C11orf65: variants seen among roughly 807,000 people sequenced by gnomAD.
C11orf65 encodes the protein chromosome 11 open reading frame 65.
A neutral mutation model predicts 35.3 loss-of-function variants in C11orf65; 38 were observed. The ratio of observed to expected loss-of-function variants is 1.08; its 90% CI spans 0.83 to 1.41. The LOEUF (loss-of-function observed/expected upper bound fraction) is 1.41. Ranked by LOEUF, C11orf65 falls within the 40% of genes most tolerant of loss-of-function variation. The pLI is 0.00. For synonymous variants in C11orf65, 105 were observed against 114.4 expected (o/e 0.92, Z 0.53); for missense variants, 370 against 367.1 (o/e 1.01, Z -0.06).
At chr11:108,330,289 C>T (rs1429991894), downstream of C11orf65, 5 of 1,614,062 alleles carry the variant, frequency 3.1e-6, no homozygotes, top group East Asian at 4.5e-5. Context: ...ATCGTAAACG[C>T]TTCTTATGTA....
intron 2 of C11orf65, among the ~76,000 whole-genome samples, chr11:108,442,533 C>G (rs2093172390): frequency 6.6e-6 from 1 of 152,050 alleles, no homozygotes; most frequent in Admixed American, 6.6e-5. Flanking sequence ...TCAGATTCAC[C>G]AAAGTTGAAA....
Position 108,385,963 on chromosome 11 carries a change from G to A in C11orf65, c.744C>T (p.Ser248=). The A allele has an allele frequency of 6.2e-7, 1 of 1,613,706 alleles. No individual in the cohort carries two copies. Among genetic ancestry groups the A allele is most frequent in the Non-Finnish European group, 8.5e-7 (1 of 1,179,784 alleles). The part of the protein sequence containing the change: ...NTLNFDEYIA[S]WKEIATSNSS... ...AGTTGCTTGTAGCAATTTCCTTCCA[G>A]CTGGCAATGTACCTAAGCACATTAT... Residue 248 remains serine, a synonymous_variant, in exon 8 of 9, where the codon AGC becomes AGT. Coordinates refer to ENST00000393084, the MANE Select transcript of C11orf65 (RefSeq NM_152587.5).
chr11:108,459,385 G>C (rs1040370361), intron 2 of C11orf65, among the ~76,000 whole-genome samples: 4 of 152,000 alleles, frequency 2.6e-5, no homozygotes, highest in African/African-American at 4.8e-5. Flanking sequence ...CAAAAGACTG[G>C]AGACAACTGG....
At chr11:108,325,249 GTTTTTT>G in intron 6 of C11orf65, 4 of 565,794 alleles carry the variant, frequency 7.1e-6, no homozygotes, top group Non-Finnish European at 5.9e-6. Context: ...AACTTACATA[GTTTTTT>G]TTTTTTTTTT....
At chr11:108,319,875 C>A in intron 6 of C11orf65, 2 of 990,512 alleles carry the variant, frequency 2.0e-6, no homozygotes, top group South Asian at 1.4e-5. Context: ...AAAATTTTGT[C>A]CTTTGGTGAA....
chr11:108,329,515 A>G (rs1364359791), downstream of C11orf65, among the ~76,000 whole-genome samples: 1 of 151,944 alleles, frequency 6.6e-6, no homozygotes, highest in African/African-American at 2.4e-5. Context: ...CCTGGACTCA[A>G]TTGATTCTCC....
chr11:108,427,083 A>T (rs539865477), intron 3 of C11orf65, among the ~76,000 whole-genome samples: 1 of 152,340 alleles, frequency 6.6e-6, no homozygotes, highest in South Asian at 2.1e-4. Context: ...AACCATAAAA[A>T]TCCTAGAAGA....
At chr11:108,351,939 C>T (rs1460236935) in intron 2 of C11orf65, among the ~76,000 whole-genome samples, 1 of 152,178 alleles carries the variant, frequency 6.6e-6, no homozygotes, top group Non-Finnish European at 1.5e-5. Context: ...ACTTTCAGCC[C>T]TACTCAGCTA....
At chr11:108,371,320 C>A (rs569657846) in intron 2 of C11orf65, among the ~76,000 whole-genome samples, 19 of 152,254 alleles carry the variant, frequency 1.2e-4, no homozygotes, top group African/African-American at 3.6e-4. Context: ...TGGTGTGCAA[C>A]CAACCTCCAG....
intron 6 of C11orf65, among the ~76,000 whole-genome samples, chr11:108,402,996 T>G (rs540157658): frequency 6.0e-4 from 91 of 152,330 alleles, no homozygotes; most frequent in African/African-American, 2.1e-3. Flanking sequence ...TGCAAATTTG[T>G]GCTGTTTCTG....
chr11:108,369,192 A>C (rs1288322196), intron 2 of C11orf65: 1 of 155,978 alleles, frequency 6.4e-6, no homozygotes, highest in Non-Finnish European at 1.4e-5. Context: ...TGAGCAAGGC[A>C]GGCATAGTCT....
chr11:108,410,754 T>C (rs1411825921), intron 3 of C11orf65, among the ~76,000 whole-genome samples: 2 of 149,598 alleles, frequency 1.3e-5, no homozygotes, highest in Non-Finnish European at 3.0e-5. Context: ...TGTCGCTCAG[T>C]CTGGGGTGCA....
intron 3 of C11orf65, among the ~76,000 whole-genome samples, chr11:108,423,185 C>A (rs1006418780): frequency 1.3e-5 from 2 of 152,134 alleles, no homozygotes; most frequent in East Asian, 3.9e-4. Context: ...AAGCTAGCTG[C>A]AGTTTTTTTT....
At chr11:108,431,607 A>AC in intron 3 of C11orf65, 139 bp downstream of exon 3, 1 of 420,752 alleles carries the variant, frequency 2.4e-6, no homozygotes, top group Non-Finnish European at 4.1e-6. Context: ...TATATGTTTT[A>AC]TGAACTTTCA....
At chr11:108,427,757 C>G (rs1314084411) in intron 3 of C11orf65, among the ~76,000 whole-genome samples, 1 of 136,900 alleles carries the variant, frequency 7.3e-6, no homozygotes, top group African/African-American at 2.7e-5. Flanking sequence ...CTCATCATTA[C>G]TGGTCATTAG....
At chr11:108,399,602 G>A (rs2092398247) in intron 6 of C11orf65, among the ~76,000 whole-genome samples, 1 of 152,178 alleles carries the variant, frequency 6.6e-6, no homozygotes, top group Non-Finnish European at 1.5e-5. Flanking sequence ...GAAGCCAAAG[G>A]TATGGAGATG....
At chr11:108,418,960 T>C (rs887223909) in intron 3 of C11orf65, among the ~76,000 whole-genome samples, 6 of 152,062 alleles carry the variant, frequency 3.9e-5, no homozygotes, top group Non-Finnish European at 5.9e-5. Context: ...AAAATAGAAA[T>C]AGAACTATAA....
At chr11:108,447,237 T>C (rs1338353965) in intron 2 of C11orf65, among the ~76,000 whole-genome samples, 1 of 151,960 alleles carries the variant, frequency 6.6e-6, no homozygotes, top group African/African-American at 2.4e-5. Context: ...GACAGAAAGT[T>C]AACAAGGATA....
rs867021141 is a variant in C11orf65 at position 108,359,111 on chromosome 11, C to G, written c.227-23819G>C. On this transcript the variant is annotated intron_variant, in intron 2 of 3. Transcript: ENST00000524755. Reference sequence around the variant, plus strand: ...AAAGGATGGAGGAAGATCTACCAAGCAAATGGAAAACAAAAAAAGGCAGGG... The same window carrying G: ...AAAGGATGGAGGAAGATCTACCAAGGAAATGGAAAACAAAAAAAGGCAGGG... Among the ~76,000 whole-genome samples, 905 of 148,452 alleles carry G rather than the reference C, an allele frequency of 6.1e-3. 6 individuals are homozygous for G. The highest frequency in any genetic ancestry group is 0.02 in the African/African-American group (798 of 40,152).
Sources: allele counts gnomAD v4.1 joint callset (sites outside exome capture counted in the v4.1 genomes callset), GRCh38; gene constraint gnomAD v4.1.1; transcripts MANE v1.5; gene names NCBI Gene and HGNC (gene_info 2026-07-23, HGNC 2026-07-21).